The following DOCK4 variants were observed in gnomAD, a reference collection of about 807,000 sequenced individuals.
DOCK4 encodes the protein dedicator of cytokinesis 4, also known as dedicator of cytokinesis protein 4.
DOCK4 carries 97 observed loss-of-function variants against 268.1 expected under a neutral mutation model. The ratio of observed to expected loss-of-function variants is 0.36; its 90% CI spans 0.31 to 0.43. The LOEUF is 0.43. DOCK4 is among the 20% of genes least tolerant of loss of function. The probability of loss-of-function intolerance (pLI) is 1.00; values close to 1 mark genes in which losing one functional copy is unlikely to be tolerated. For synonymous variants in DOCK4, 954 were observed against 887.2 expected (o/e 1.08, Z -1.34); for missense variants, 2,145 against 2,455.7 (o/e 0.87, Z 2.67).
chr7:112,154,826 C>T (rs1816460923), intron 1 of DOCK4, among the ~76,000 whole-genome samples: 2 of 152,224 alleles, frequency 1.3e-5, no homozygotes, highest in Admixed American at 6.5e-5. Context: ...TGCACTGCAA[C>T]TTCAGCCAGG....
At chr7:112,119,243 C>T (rs1812474413) in intron 1 of DOCK4, among the ~76,000 whole-genome samples, 1 of 152,166 alleles carries the variant, frequency 6.6e-6, no homozygotes, top group Non-Finnish European at 1.5e-5. Flanking sequence ...ATCCCAGAAG[C>T]TTTGCCAGAT....
chr7:111,733,086 C>T (rs1479442810), intron 51 of DOCK4, among the ~76,000 whole-genome samples: 1 of 152,142 alleles, frequency 6.6e-6, no homozygotes, highest in Non-Finnish European at 1.5e-5. Context: ...GAGAGTCAGC[C>T]ACATTTCTCA....
intron 1 of DOCK4, among the ~76,000 whole-genome samples, chr7:112,087,122 TC>T (rs1809166030): frequency 6.6e-6 from 1 of 152,054 alleles, no homozygotes; most frequent in African/African-American, 2.4e-5. Context: ...TTTTTAACAT[TC>T]CAAGATGCCA....
chr7:112,172,759 T>C (rs1377393967), intron 1 of DOCK4, among the ~76,000 whole-genome samples: 1 of 152,160 alleles, frequency 6.6e-6, no homozygotes, highest in Non-Finnish European at 1.5e-5. Context: ...AAGTAAAAAA[T>C]GTAAAGCCGG....
At chr7:111,798,557 C>T (rs925428308) in intron 30 of DOCK4, among the ~76,000 whole-genome samples, 44 of 152,156 alleles carry the variant, frequency 2.9e-4, no homozygotes, top group Admixed American at 2.8e-3. Flanking sequence ...CATAATAGCT[C>T]TACTAGGCAA....
intron 12 of DOCK4, among the ~76,000 whole-genome samples, chr7:111,919,054 A>G (rs1792869220): frequency 6.6e-6 from 1 of 152,174 alleles, no homozygotes; most frequent in Non-Finnish European, 1.5e-5. Flanking sequence ...ACTGATCAAG[A>G]TTCTTGTTTT....
At chr7:111,898,710 T>C (rs1790875503) in intron 15 of DOCK4, among the ~76,000 whole-genome samples, 2 of 152,230 alleles carry the variant, frequency 1.3e-5, no homozygotes, top group South Asian at 4.1e-4. Flanking sequence ...CATTGGTTAT[T>C]CATAGTTTGT....
intron 1 of DOCK4, among the ~76,000 whole-genome samples, chr7:112,021,056 C>T (rs1243941289): frequency 6.6e-6 from 1 of 152,192 alleles, no homozygotes; most frequent in Admixed American, 6.5e-5. Flanking sequence ...TCATGTCCAG[C>T]CATGCTGGGG....
Position 111,926,120 on chromosome 7 carries a change from A to AAAAGAAAGAAAGAAAGAAAG in DOCK4, c.1066+9400_1066+9419dup, listed in dbSNP as rs71524823. ...AGAAAGAGAGAGAGAGAGAAAGAGA[A>AAAAGAAAGAAAGAAAGAAAG]AAAGAAAGAAAGAAAGAAAGAAAGA... On this transcript the variant is annotated intron_variant, in intron 12 of 52. Coordinates refer to ENST00000428084, the MANE Select transcript of DOCK4 (RefSeq NM_001363540.2). 3.9e-3 allele frequency among the ~76,000 whole-genome samples: 526 copies of AAAAGAAAGAAAGAAAGAAAG among 135,188 alleles called. 22 individuals carry two copies. Among genetic ancestry groups the AAAAGAAAGAAAGAAAGAAAG allele is most frequent in the African/African-American group, 0.015 (487 of 33,116 alleles). 88.7% of individuals were successfully genotyped at this position (135,188 alleles called of 152,430 possible).
chr7:112,190,131 C>T (rs957598405), intron 1 of DOCK4, among the ~76,000 whole-genome samples: 2 of 152,162 alleles, frequency 1.3e-5, no homozygotes, highest in African/African-American at 4.8e-5. Flanking sequence ...ATAACTACAA[C>T]ACGCTGAGCT....
At chr7:111,895,963 T>G (rs1808713899) in intron 15 of DOCK4, among the ~76,000 whole-genome samples, 1 of 152,210 alleles carries the variant, frequency 6.6e-6, no homozygotes, top group Non-Finnish European at 1.5e-5. Flanking sequence ...CTGAAATTGC[T>G]TTTTAAAAAA....
chr7:111,777,882 G>A lies in DOCK4; in HGVS notation c.3679+394C>T, dbSNP rs375680630. Among the ~76,000 whole-genome samples, 29 of 152,270 alleles carry A rather than the reference G, an allele frequency of 1.9e-4. No individual in the cohort carries two copies. In the East Asian group the frequency reaches 4.4e-3, roughly 23 times the overall value. The stretch of plus-strand genomic sequence containing the variant: ...TCACCATGATTGTGAGGCCTCCCCA[G>A]CCACGTGGAACTGTAAGTCAATTAA... On this transcript the variant is annotated intron_variant, in intron 36 of 52. Coordinates refer to ENST00000428084, the MANE Select transcript of DOCK4 (RefSeq NM_001363540.2).
chr7:111,868,201 T>C, intron 21 of DOCK4, 47 bp from the exon 22 acceptor site: 1 of 1,429,464 alleles, frequency 7.0e-7, no homozygotes, highest in Non-Finnish European at 9.5e-7. Context: ...AGACAAAGAG[T>C]ATTTATTTAG....
chr7:112,063,695 G>T (rs1806654069), intron 1 of DOCK4, among the ~76,000 whole-genome samples: 1 of 152,080 alleles, frequency 6.6e-6, no homozygotes, highest in East Asian at 1.9e-4. Flanking sequence ...TTTACTGATG[G>T]GACTCAAGAT....
At chr7:111,906,495 C>A (rs1791578337) in intron 13 of DOCK4, among the ~76,000 whole-genome samples, 1 of 152,100 alleles carries the variant, frequency 6.6e-6, no homozygotes, top group Non-Finnish European at 1.5e-5. Context: ...CCACTAGGAA[C>A]CATGAAGAGG....
intron 12 of DOCK4, among the ~76,000 whole-genome samples, chr7:111,931,836 G>A (rs1020891351): frequency 6.6e-6 from 1 of 152,298 alleles, no homozygotes; most frequent in Admixed American, 6.5e-5. Context: ...CCTGTGGTAA[G>A]TGCTTTGCAT....
intron 29 of DOCK4, 93 bp downstream of exon 29, chr7:111,809,207 AT>A: frequency 9.6e-7 from 1 of 1,046,442 alleles, no homozygotes; most frequent in Non-Finnish European, 1.4e-6. Flanking sequence ...TCACTGTGTG[AT>A]TTCCAGTTAT....
At chr7:112,197,213 CCTTT>C (rs762433879) in intron 1 of DOCK4, among the ~76,000 whole-genome samples, 3 of 151,736 alleles carry the variant, frequency 2.0e-5, no homozygotes, top group Admixed American at 1.3e-4. Context: ...AGAATTCCTT[CCTTT>C]AAGTCACTTA....
In DOCK4 at chr7:112,087,844, G is replaced by A. The variant is rs113014633; in HGVS notation, c.38-83713C>T. On this transcript the variant is annotated intron_variant, in intron 1 of 52. Coordinates refer to ENST00000428084, the MANE Select transcript of DOCK4 (RefSeq NM_001363540.2). ...AATTATGGGACAAAGGAGACACATCGTGAATGAAATACAGCCCTGTTTAGA... is the reference window on the plus strand; with the variant it reads ...AATTATGGGACAAAGGAGACACATCATGAATGAAATACAGCCCTGTTTAGA... Among the ~76,000 whole-genome samples, 98 of 152,138 alleles carry A rather than the reference G, an allele frequency of 6.4e-4. 1 individual carries two copies. The highest frequency in any genetic ancestry group is 2.3e-3 in the African/African-American group (95 of 41,516).
Sources: allele counts gnomAD v4.1 joint callset (sites outside exome capture counted in the v4.1 genomes callset), GRCh38; gene constraint gnomAD v4.1.1; transcripts MANE v1.5; gene names NCBI Gene and HGNC (gene_info 2026-07-23, HGNC 2026-07-21).